The following BMPR1B variants were observed in gnomAD, a reference collection of about 807,000 sequenced individuals.
BMPR1B encodes bone morphogenetic protein receptor type 1B.
Under a neutral mutation model 59.1 loss-of-function variants are expected in BMPR1B, and 12 were observed. That is an observed-to-expected ratio of 0.20 (90% confidence interval 0.13 to 0.33). The LOEUF (loss-of-function observed/expected upper bound fraction) is 0.33, where lower values mean the gene tolerates loss of function less well. BMPR1B is among the 10% of genes least tolerant of loss of function. The probability of loss-of-function intolerance (pLI) is 1.00; values close to 1 mark genes in which losing one functional copy is unlikely to be tolerated. For synonymous variants in BMPR1B, 237 were observed against 207.3 expected (o/e 1.14, Z -1.23); for missense variants, 550 against 610.9 (o/e 0.90, Z 1.05).
intron 2 of BMPR1B, among the ~76,000 whole-genome samples, chr4:94,917,446 C>A (rs1029375916): frequency 2.6e-5 from 4 of 152,218 alleles, no homozygotes; most frequent in Non-Finnish European, 5.9e-5. Flanking sequence ...CCTCTTGCAG[C>A]AGTGTGCCCT....
chr4:95,072,939 A>G lies in BMPR1B; in HGVS notation c.-17-31469A>G, dbSNP rs187405884. 2.6e-3 allele frequency among the ~76,000 whole-genome samples: 401 copies of G among 152,280 alleles called. 1 individual carries two copies. The highest frequency in any genetic ancestry group is 3.4e-3 in the Non-Finnish European group (228 of 68,010). On this transcript the variant is annotated intron_variant, in intron 3 of 12. Transcript: ENST00000515059. Reference sequence around the variant, plus strand: ...TAATCATTTTCTTGAGTTAATATTCATCTTCTATTTTCTTCAAATTTGACC... The same window carrying G: ...TAATCATTTTCTTGAGTTAATATTCGTCTTCTATTTTCTTCAAATTTGACC...
At chr4:94,775,817 T>G (rs1185492805) in intron 1 of BMPR1B, among the ~76,000 whole-genome samples, 1 of 151,806 alleles carries the variant, frequency 6.6e-6, no homozygotes, top group African/African-American at 2.4e-5. Context: ...TTTGGCCAGA[T>G]GCAGTGGCTC....
intron 3 of BMPR1B, among the ~76,000 whole-genome samples, chr4:95,081,394 C>T (rs1328329445): frequency 1.3e-5 from 2 of 152,122 alleles, no homozygotes; most frequent in African/African-American, 2.4e-5. Context: ...GTATTTGCAG[C>T]TATATTCTCA....
intron 1 of BMPR1B, among the ~76,000 whole-genome samples, chr4:94,826,770 A>C (rs1724398744): frequency 6.6e-6 from 1 of 152,296 alleles, no homozygotes; most frequent in African/African-American, 2.4e-5. Context: ...TATGCTTATA[A>C]TATTAAATTG....
chr4:95,096,137 A>G (rs1730359274), intron 3 of BMPR1B, among the ~76,000 whole-genome samples: 2 of 151,152 alleles, frequency 1.3e-5, no homozygotes, highest in African/African-American at 4.8e-5. Context: ...TGATTAAGTT[A>G]TATACATTAA....
chr4:95,067,042 G>A (rs1727862190), intron 3 of BMPR1B, among the ~76,000 whole-genome samples: 1 of 152,174 alleles, frequency 6.6e-6, no homozygotes, highest in South Asian at 2.1e-4. Flanking sequence ...ATGCATCTCT[G>A]AAGGATGTAT....
intron 3 of BMPR1B, among the ~76,000 whole-genome samples, chr4:95,047,060 C>T (rs1326591790): frequency 2.0e-5 from 3 of 152,074 alleles, no homozygotes; most frequent in African/African-American, 7.2e-5. Flanking sequence ...TTAAAATAAA[C>T]TTTTTATTTT....
chr4:94,762,387 T>C (rs1721812868), intron 1 of BMPR1B, among the ~76,000 whole-genome samples: 1 of 152,070 alleles, frequency 6.6e-6, no homozygotes, highest in Non-Finnish European at 1.5e-5. Flanking sequence ...ACTGGGCTAT[T>C]TTATATGAGG....
At chr4:94,788,963 C>T (rs1722859407) in intron 1 of BMPR1B, among the ~76,000 whole-genome samples, 2 of 152,170 alleles carry the variant, frequency 1.3e-5, no homozygotes. Context: ...TCCCAGCCTC[C>T]CCTGAGGTGA....
intron 2 of BMPR1B, among the ~76,000 whole-genome samples, chr4:94,887,066 C>A (rs1727197805): frequency 6.6e-6 from 1 of 151,888 alleles, no homozygotes; most frequent in South Asian, 2.1e-4. Flanking sequence ...AAGAGCGATT[C>A]TTTGGCAATG....
intron 2 of BMPR1B, among the ~76,000 whole-genome samples, chr4:94,910,990 C>G (rs557470351): frequency 6.6e-6 from 1 of 152,188 alleles, no homozygotes; most frequent in African/African-American, 2.4e-5. Context: ...ATTGACTCAC[C>G]CAGTACTTAC....
chr4:95,086,053 A>ATGT (rs1443449595), intron 3 of BMPR1B, among the ~76,000 whole-genome samples: 1 of 151,886 alleles, frequency 6.6e-6, no homozygotes, highest in Non-Finnish European at 1.5e-5. Context: ...TTTTGAATGA[A>ATGT]TGTTAATATG....
chr4:95,090,765 C>G (rs576412516), intron 3 of BMPR1B, among the ~76,000 whole-genome samples: 14 of 152,112 alleles, frequency 9.2e-5, no homozygotes, highest in African/African-American at 1.2e-4. Flanking sequence ...TTTAACTTGA[C>G]TCTAATAAAT....
chr4:94,869,092 TCAAACA>T (rs1294064249), intron 1 of BMPR1B, among the ~76,000 whole-genome samples: 7 of 100,222 alleles, frequency 7.0e-5, no homozygotes, highest in South Asian at 4.0e-4. Context: ...AATTTTACTA[TCAAACA>T]CACACACACA....
At chr4:95,033,368 G>A (rs1725018924) in intron 3 of BMPR1B, among the ~76,000 whole-genome samples, 1 of 151,610 alleles carries the variant, frequency 6.6e-6, no homozygotes, top group Admixed American at 6.6e-5. Flanking sequence ...ACTGTCAAGT[G>A]CAATGTCATG....
intron 1 of BMPR1B, among the ~76,000 whole-genome samples, chr4:94,864,458 G>A (rs966671117): frequency 2.6e-5 from 4 of 152,054 alleles, no homozygotes; most frequent in Non-Finnish European, 5.9e-5. Flanking sequence ...GGATTGGGAA[G>A]TCATTTTGGA....
intron 3 of BMPR1B, among the ~76,000 whole-genome samples, chr4:95,039,537 C>G: frequency 6.6e-6 from 1 of 150,884 alleles, no homozygotes; most frequent in East Asian, 1.9e-4. Context: ...AATGAGATTA[C>G]GAAGAGCTGC....
chr4:95,000,133 A>G (rs1384503805), intron 3 of BMPR1B, among the ~76,000 whole-genome samples: 1 of 152,114 alleles, frequency 6.6e-6, no homozygotes, highest in Non-Finnish European at 1.5e-5. Context: ...AGTTTTCTTA[A>G]TTTAATTATT....
At chr4:94,819,638 T>C (rs541887721) in intron 1 of BMPR1B, among the ~76,000 whole-genome samples, 1 of 152,316 alleles carries the variant, frequency 6.6e-6, no homozygotes, top group East Asian at 1.9e-4. Context: ...GACCTAGATT[T>C]GAGACCCTTA....
Sources: gnomAD v4.1 joint callset for allele counts (sites outside exome capture counted in the v4.1 genomes callset) on GRCh38, gnomAD v4.1.1 for gene constraint, MANE v1.5 for transcripts, NCBI Gene and HGNC (gene_info 2026-07-23, HGNC 2026-07-21) for gene names.